Variants in RNF175 observed in about 807,000 individuals in gnomAD.
The protein encoded by RNF175 is ring finger protein 175.
Under a neutral mutation model 50.0 loss-of-function variants are expected in RNF175, and 38 were observed. The ratio of observed to expected loss-of-function variants is 0.76; its 90% CI spans 0.59 to 1.00. The LOEUF is 1.00. Among genes scored for constraint, RNF175 ranks in the 50% least tolerant of loss-of-function variants. The probability of loss-of-function intolerance (pLI) is 0.00; values close to 1 mark genes in which losing one functional copy is unlikely to be tolerated. For synonymous variants in RNF175, 155 were observed against 146.1 expected, an observed-to-expected ratio of 1.06 and a Z score of -0.44; for missense variants, 388 against 409.6, an observed-to-expected ratio of 0.95 and a Z score of 0.46.
At chr4:153,719,677 C>T (rs994050242) in intron 6 of RNF175, among the ~76,000 whole-genome samples, 1 of 152,174 alleles carries the variant, frequency 6.6e-6, no homozygotes. Flanking sequence ...CAGAATACAT[C>T]TAGCATACTT....
chr4:153,721,035 C>T (rs1480903768), intron 5 of RNF175, among the ~76,000 whole-genome samples: 1 of 152,284 alleles, frequency 6.6e-6, no homozygotes, highest in Non-Finnish European at 1.5e-5. Context: ...ACAAATCAAG[C>T]TCACATCTTG....
rs77114588 is a variant in RNF175, at chr4:153,727,072, C to T, written c.401+1135G>A. 0.013 allele frequency among the ~76,000 whole-genome samples: 2,034 copies of T among 152,304 alleles called. 124 individuals carry two copies. In the East Asian group the frequency reaches 0.18, roughly 13 times the overall value. ...CTACAGTGGATAGGCGAACCATTCT[C>T]ATGGAAATACAACATAGATTATATC... On this transcript the variant is annotated intron_variant, in intron 4 of 8. Coordinates refer to ENST00000347063, the MANE Select transcript of RNF175 (RefSeq NM_173662.4).
chr4:153,747,941 C>A (rs1018830726), intron 3 of RNF175, among the ~76,000 whole-genome samples: 1 of 152,236 alleles, frequency 6.6e-6, no homozygotes, highest in Non-Finnish European at 1.5e-5. Flanking sequence ...GAGGGATTTG[C>A]ATCTTGCAAG....
chr4:153,740,817 T>G (rs1030749017), intron 3 of RNF175, among the ~76,000 whole-genome samples: 1 of 152,218 alleles, frequency 6.6e-6, no homozygotes, highest in Non-Finnish European at 1.5e-5. Flanking sequence ...CATGATGTAT[T>G]GAGTAATAGA....
intron 4 of RNF175, among the ~76,000 whole-genome samples, chr4:153,725,572 T>A (rs1187070973): frequency 6.6e-6 from 1 of 152,218 alleles, no homozygotes; most frequent in Non-Finnish European, 1.5e-5. Flanking sequence ...CAAAGCGGTT[T>A]GTTGAATTAA....
At chr4:153,722,617 G>A (rs1361258788) in intron 5 of RNF175, among the ~76,000 whole-genome samples, 2 of 152,022 alleles carry the variant, frequency 1.3e-5, no homozygotes, top group Admixed American at 6.5e-5. Context: ...TTACAATTTC[G>A]AAGCACTCAC....
intron 2 of RNF175, 96 bp from the exon 3 acceptor site, chr4:153,748,882 G>A: frequency 8.1e-7 from 1 of 1,242,224 alleles, no homozygotes; most frequent in Non-Finnish European, 1.1e-6. Flanking sequence ...CAAAAAACAG[G>A]TTTGGCTTAC....
chr4:153,734,852 T>A (rs1019088247), intron 3 of RNF175, among the ~76,000 whole-genome samples: 2 of 151,652 alleles, frequency 1.3e-5, no homozygotes, highest in Non-Finnish European at 2.9e-5. Flanking sequence ...ATTTTTTGTA[T>A]TTTTTAGTAG....
intron 2 of RNF175, 45 bp from the exon 3 acceptor site, chr4:153,748,831 G>A (rs1248571763): frequency 6.6e-7 from 1 of 1,509,768 alleles, no homozygotes. Context: ...CCTCAACCTT[G>A]CGCATTTAGC....
intron 3 of RNF175, among the ~76,000 whole-genome samples, chr4:153,747,413 T>A (rs888182103): frequency 6.6e-6 from 1 of 152,258 alleles, no homozygotes; most frequent in Admixed American, 6.5e-5. Context: ...ATATCCTGGT[T>A]CATTGCTCTT....
Position 153,720,181 on chromosome 4 carries a change from T to TA in RNF175, c.630+2dup. On this transcript the variant is annotated splice_region_variant and intron_variant, in intron 6 of 8. Coordinates refer to ENST00000347063, the MANE Select transcript of RNF175 (RefSeq NM_173662.4). ...GGTTTCAGAAAATGAAAGCAACACT[T>TA]ACCCCTATAGTGGAAGCCATGTAGT... The TA allele has an allele frequency of 6.2e-7, 1 of 1,613,526 alleles. No homozygotes were observed. The highest frequency in any genetic ancestry group is 8.5e-7 in the Non-Finnish European group (1 of 1,179,574).
chr4:153,725,218 A>G (rs2579907), intron 4 of RNF175, among the ~76,000 whole-genome samples: 138,044 of 152,158 alleles, frequency 0.91, 63,093 homozygotes, highest in Non-Finnish European at 0.96. Context: ...GTGTGGCCTC[A>G]AAAGGAAGCC....
intron 3 of RNF175, among the ~76,000 whole-genome samples, chr4:153,742,863 A>G (rs1739749728): frequency 6.6e-6 from 1 of 151,168 alleles, no homozygotes; most frequent in South Asian, 2.1e-4. Flanking sequence ...TATGTTCCTA[A>G]TATTGATAGA....
In RNF175 at chr4:153,728,325, A is replaced by G. The variant is rs761835001; in HGVS notation, c.283T>C (p.Tyr95His). The change falls in exon 4 of 9, where the codon TAT becomes CAT. Residue 95 changes from tyrosine to histidine, a missense_variant. By Grantham distance (83) the Tyr-to-His change is moderately conservative. Coordinates refer to ENST00000347063, the MANE Select transcript of RNF175 (RefSeq NM_173662.4). ...CACCAGTATAATTTTATCGTGAAAT[A>G]TAAGGGGACAACCCACATCTGCAAC... is the stretch of plus-strand genomic sequence containing the variant. ...TLLQMWVVPL[Y>H]FTIKLYWWRF... is the part of the protein sequence containing the mutation. The G allele has an allele frequency of 1.9e-6, 3 of 1,613,760 alleles. No homozygotes were observed. The highest frequency in any genetic ancestry group is 1.3e-5 in the African/African-American group (1 of 74,926).
chr4:153,711,224 C>G (rs1344775725), intron 8 of RNF175, among the ~76,000 whole-genome samples: 2 of 152,118 alleles, frequency 1.3e-5, no homozygotes, highest in Non-Finnish European at 2.9e-5. Context: ...CTGTTCTGGA[C>G]TTGGTATCCT....
chr4:153,749,185 C>A (rs1740157419), intron 2 of RNF175, among the ~76,000 whole-genome samples: 2 of 152,246 alleles, frequency 1.3e-5, no homozygotes, highest in South Asian at 4.1e-4. Context: ...GTCATTTATC[C>A]TCTCTGAGCC....
intron 5 of RNF175, among the ~76,000 whole-genome samples, chr4:153,721,772 C>T (rs1738353456): frequency 6.6e-6 from 1 of 152,054 alleles, no homozygotes; most frequent in African/African-American, 2.4e-5. Flanking sequence ...AGCTATCGTT[C>T]CCAGTGATTT....
At chr4:153,749,719 C>A (rs1317566759) in intron 2 of RNF175, among the ~76,000 whole-genome samples, 1 of 152,176 alleles carries the variant, frequency 6.6e-6, no homozygotes, top group East Asian at 1.9e-4. Flanking sequence ...CACTGGGAAG[C>A]TTTAAAAAAA....
intron 1 of RNF175, among the ~76,000 whole-genome samples, chr4:153,758,411 G>GT (rs1216738573): frequency 8.5e-5 from 13 of 152,270 alleles, no homozygotes; most frequent in Middle Eastern, 3.4e-3. Context: ...GGGAAAAGCT[G>GT]TGAGTCCCTC....
Sources: gnomAD v4.1 joint callset for allele counts (sites outside exome capture counted in the v4.1 genomes callset) on GRCh38, gnomAD v4.1.1 for gene constraint, MANE v1.5 for transcripts, NCBI Gene and HGNC (gene_info 2026-07-23, HGNC 2026-07-21) for gene names.